AGBL4: variants seen among roughly 807,000 people sequenced by gnomAD.
AGBL4 encodes AGBL carboxypeptidase 4.
A neutral mutation model predicts 66.4 loss-of-function variants in AGBL4; 58 were observed. The ratio of observed to expected loss-of-function variants is 0.87; its 90% CI spans 0.71 to 1.09. The LOEUF (loss-of-function observed/expected upper bound fraction) is 1.09. Ranked by LOEUF, AGBL4 falls within the 50% of genes least tolerant of loss-of-function variation. The probability of loss-of-function intolerance (pLI) is 0.00; values close to 1 mark genes in which losing one functional copy is unlikely to be tolerated. For missense variants in AGBL4, 579 were observed against 631.0 expected, an observed-to-expected ratio of 0.92 and a Z score of 0.88; for synonymous variants, 234 against 222.9, an observed-to-expected ratio of 1.05 and a Z score of -0.44.
Position 49,350,430 on chromosome 1 carries a change from C to G in AGBL4, c.283-104566G>C, listed in dbSNP as rs972957694. Among the ~76,000 whole-genome samples, 4 of 152,030 alleles carry G rather than the reference C, an allele frequency of 2.6e-5. No homozygotes were observed. In the South Asian group the frequency reaches 8.3e-4, roughly 32 times the overall value. ...GTTTTAGCCGGGATGGTCTCGATCT[C>G]CTGACCTCGTGATCCGCCCGCCTCG... On this transcript the variant is annotated intron_variant, in intron 3 of 13. Transcript: ENST00000371839.
intron 3 of AGBL4, among the ~76,000 whole-genome samples, chr1:49,280,406 A>G (rs1328338018): frequency 1.3e-5 from 2 of 152,228 alleles, no homozygotes; most frequent in Non-Finnish European, 2.9e-5. Context: ...GCAAGCAAGA[A>G]GAGCCCATCA....
In AGBL4 at chr1:49,585,019, C is replaced by T. The variant is rs114403918; in HGVS notation, c.282+112294G>A. ...GCCAATCTCTGGTTTATCTAAACCA[C>T]TCTTAAAAGTGTATATTCAATTCAA... is the stretch of plus-strand genomic sequence containing the variant. On this transcript the variant is annotated intron_variant, in intron 3 of 13. Coordinates refer to ENST00000371839, the MANE Select transcript of AGBL4 (RefSeq NM_032785.4). Among the ~76,000 whole-genome samples, 284 of 152,310 alleles carry T rather than the reference C, an allele frequency of 1.9e-3. 2 individuals carry two copies. The highest frequency in any genetic ancestry group is 6.5e-3 in the African/African-American group (269 of 41,570).
At chr1:49,008,495 A>T (rs1480113534) in intron 5 of AGBL4, among the ~76,000 whole-genome samples, 2 of 148,638 alleles carry the variant, frequency 1.3e-5, no homozygotes, top group African/African-American at 5.0e-5. Context: ...AAGGATACCC[A>T]GGAATTGAAC....
chr1:49,313,289 G>A (rs1017040885), intron 3 of AGBL4, among the ~76,000 whole-genome samples: 1 of 152,058 alleles, frequency 6.6e-6, no homozygotes, highest in Non-Finnish European at 1.5e-5. Context: ...GAACATTTAG[G>A]TTGATTCCAG....
At chr1:48,575,464 C>T (rs779705569) in intron 11 of AGBL4, among the ~76,000 whole-genome samples, 3 of 152,136 alleles carry the variant, frequency 2.0e-5, no homozygotes, top group Non-Finnish European at 2.9e-5. Flanking sequence ...TCATCCTGCC[C>T]GCTGCTGCCA....
chr1:49,583,344 T>A (rs1253281053), intron 3 of AGBL4, among the ~76,000 whole-genome samples: 1 of 152,240 alleles, frequency 6.6e-6, no homozygotes, highest in Non-Finnish European at 1.5e-5. Context: ...TAGTCCTATG[T>A]ACATCTTCAT....
intron 5 of AGBL4, among the ~76,000 whole-genome samples, chr1:49,012,610 G>A (rs780089470): frequency 1.3e-4 from 20 of 152,274 alleles, no homozygotes; most frequent in South Asian, 2.1e-4. Context: ...TTTTTGGTCC[G>A]ATTAAGGAAG....
chr1:49,874,415 T>C (rs868471220), intron 1 of AGBL4, among the ~76,000 whole-genome samples: 8 of 152,084 alleles, frequency 5.3e-5, no homozygotes, highest in Non-Finnish European at 1.5e-5. Flanking sequence ...GAAGGTTACA[T>C]TAGTGTGTAT....
intron 4 of AGBL4, among the ~76,000 whole-genome samples, chr1:49,243,214 T>C (rs894718503): frequency 6.6e-6 from 1 of 151,698 alleles, no homozygotes; most frequent in Non-Finnish European, 1.5e-5. Context: ...ATTACAAACT[T>C]TTTTTGTTAT....
intron 3 of AGBL4, among the ~76,000 whole-genome samples, chr1:49,344,136 C>T (rs1169441546): frequency 6.6e-6 from 1 of 152,032 alleles, no homozygotes; most frequent in Admixed American, 6.6e-5. Flanking sequence ...GTCTAGTGTC[C>T]TAGGCTTCAC....
At chr1:49,020,099 T>G (rs1270122084) in intron 5 of AGBL4, among the ~76,000 whole-genome samples, 1 of 152,210 alleles carries the variant, frequency 6.6e-6, no homozygotes, top group Non-Finnish European at 1.5e-5. Context: ...ATAATGTTCT[T>G]AATTTGGTAA....
At chr1:48,636,677 A>T (rs560452221) in intron 8 of AGBL4, among the ~76,000 whole-genome samples, 5 of 152,208 alleles carry the variant, frequency 3.3e-5, no homozygotes, top group Non-Finnish European at 7.3e-5. Context: ...AAATATTCTT[A>T]TCTGACGTAT....
At chr1:49,681,901 T>C (rs1257267393) in intron 3 of AGBL4, among the ~76,000 whole-genome samples, 1 of 152,204 alleles carries the variant, frequency 6.6e-6, no homozygotes, top group Non-Finnish European at 1.5e-5. Flanking sequence ...AGTTTTTCTC[T>C]ACAATTTTCT....
At chr1:49,212,105 TG>T (rs1363804461) in intron 4 of AGBL4, among the ~76,000 whole-genome samples, 1 of 152,138 alleles carries the variant, frequency 6.6e-6, no homozygotes, top group Non-Finnish European at 1.5e-5. Flanking sequence ...AGTCTGGATA[TG>T]GAAACAAATC....
chr1:48,759,259 T>A, intron 6 of AGBL4: 1 of 1,565,904 alleles, frequency 6.4e-7, no homozygotes, highest in Non-Finnish European at 8.7e-7. Context: ...GTGCGCCACT[T>A]CGCTCGGCTT....
At chr1:48,627,825 T>A (rs986638645) in intron 9 of AGBL4, among the ~76,000 whole-genome samples, 2 of 152,068 alleles carry the variant, frequency 1.3e-5, no homozygotes, top group Admixed American at 1.3e-4. Flanking sequence ...TCTGAGGGAC[T>A]CTGGAGGTAA....
intron 4 of AGBL4, among the ~76,000 whole-genome samples, chr1:49,230,861 G>T (rs988198638): frequency 1.3e-5 from 2 of 151,988 alleles, no homozygotes; most frequent in African/African-American, 4.8e-5. Flanking sequence ...AAGCACATCT[G>T]GATTCCAGTT....
chr1:48,670,650 G>T (rs1028065440), intron 6 of AGBL4, among the ~76,000 whole-genome samples: 4 of 152,218 alleles, frequency 2.6e-5, no homozygotes, highest in African/African-American at 9.6e-5. Context: ...TGGAACCTAG[G>T]CCTGGGAGCA....
intron 1 of AGBL4, among the ~76,000 whole-genome samples, chr1:49,974,265 G>A (rs1309752724): frequency 6.6e-6 from 1 of 151,982 alleles, no homozygotes; most frequent in African/African-American, 2.4e-5. Context: ...AGTGATTTAT[G>A]AGAAAATATT....
Sources: gnomAD v4.1 joint callset for allele counts (sites outside exome capture counted in the v4.1 genomes callset) on GRCh38, gnomAD v4.1.1 for gene constraint, MANE v1.5 for transcripts, NCBI Gene and HGNC (gene_info 2026-07-23, HGNC 2026-07-21) for gene names.